EN1: variants seen among roughly 807,000 people sequenced by gnomAD.
EN1 encodes homeobox protein engrailed-1.
In EN1, 8 loss-of-function variants were observed where a neutral mutation model predicts 22.9. The ratio of observed to expected loss-of-function variants is 0.35; its 90% CI spans 0.20 to 0.63. EN1 has a LOEUF of 0.63. EN1 is among the 20% of genes least tolerant of loss of function. The probability of loss-of-function intolerance (pLI) is 0.73; values close to 1 mark genes in which losing one functional copy is unlikely to be tolerated. For missense variants in EN1, 521 were observed against 572.1 expected, an observed-to-expected ratio of 0.91 and a Z score of 0.91; for synonymous variants, 287 against 262.5, an observed-to-expected ratio of 1.09 and a Z score of -0.90.
chr2:118,845,681 A>C (rs1221481721), intron 1 of EN1, among the ~76,000 whole-genome samples: 5 of 152,170 alleles, frequency 3.3e-5, no homozygotes, highest in Non-Finnish European at 5.9e-5. Flanking sequence ...CCTTTTTGGC[A>C]ACTGCCTTTC....
In EN1 at chr2:118,842,887, G is replaced by T. The variant is rs759941651; in HGVS notation, c.*51C>A. The T allele has an allele frequency of 7.1e-6, 11 of 1,558,620 alleles. No individual in the cohort carries two copies. The Admixed American group carries it at 1.5e-4, about 21-fold the overall frequency. ...CTCCCCCAGCGAGGGGCCGGGAGAC[G>T]ACGGCGGCGGTGCCGGGAGGGGGCG... On this transcript the variant is annotated 3_prime_UTR_variant, in exon 2 of 2. Transcript: ENST00000295206.
intron 1 of EN1, among the ~76,000 whole-genome samples, 167 bp from the exon 2 acceptor site, chr2:118,843,421 G>T (rs1558800462): frequency 6.6e-6 from 1 of 152,088 alleles, no homozygotes; most frequent in Non-Finnish European, 1.5e-5. Flanking sequence ...GCTCCCTCCC[G>T]CCAGCCAATC....
intron 1 of EN1, among the ~76,000 whole-genome samples, chr2:118,845,522 G>C (rs891609474): frequency 6.6e-6 from 1 of 152,232 alleles, no homozygotes; most frequent in Non-Finnish European, 1.5e-5. Context: ...AGCGCCGCGC[G>C]GGGAGGATGC....
chr2:118,847,144 A>T lies in EN1; in HGVS notation c.24T>A (p.Pro8=). 1 of 1,212,412 alleles carries T rather than the reference A, an allele frequency of 8.2e-7. No homozygotes were observed. Among genetic ancestry groups the T allele is most frequent in the South Asian group, 1.5e-5 (1 of 66,764 alleles). 75.1% of individuals were successfully genotyped at this position (1,212,412 alleles called of 1,614,324 possible). Residue 8 remains proline (P), a synonymous_variant, in exon 1 of 2, where the codon CCT becomes CCA. Coordinates refer to ENST00000295206, the MANE Select transcript of EN1 (RefSeq NM_001426.4). MEEQQPE[P]KSQRDSALGA... is the part of the protein sequence containing the mutation. ...CGAGGGCCGAGTCGCGCTGACTTTT[A>T]GGTTCCGGCTGCTGTTCTTCCATGC... is the stretch of plus-strand genomic sequence containing the variant.
chr2:118,844,386 T>C (rs1453635392), intron 1 of EN1: 1 of 151,816 alleles, frequency 6.6e-6, no homozygotes, highest in Non-Finnish European at 1.5e-5. Context: ...GAAGGTGAAG[T>C]TCCCCTCAAA....
In EN1 at chr2:118,847,114, C is replaced by G; in HGVS notation, c.54G>C (p.Ala18=). ...PKSQRDSALG[A]AAAATPGGLS... ...GGCCGCCCGGAGTCGCCGCCGCCGC[C>G]GCGCCGAGGGCCGAGTCGCGCTGAC... The change falls in exon 1 of 2, where the codon GCG becomes GCC. Residue 18 remains alanine (A), a synonymous_variant. Coordinates refer to ENST00000295206, the MANE Select transcript of EN1 (RefSeq NM_001426.4). 1.5e-6 allele frequency: 2 copies of G among 1,362,960 alleles called. No individual in the cohort carries two copies. Among genetic ancestry groups the G allele is most frequent in the Non-Finnish European group, 1.9e-6 (2 of 1,034,402 alleles). The allele number at this position is 1,362,960 out of a possible 1,614,324, so 84.4% of individuals were successfully genotyped here.
Position 118,842,846 on chromosome 2 carries a change from T to C in EN1, c.*92A>G. On this transcript the variant is annotated 3_prime_UTR_variant, in exon 2 of 2. Transcript: ENST00000295206. ...TCTTTTCCCTGCGCTCCCTCCCTCC[T>C]TGGAGCAGATGCTTTCTCCCCCAGC... is the stretch of plus-strand genomic sequence containing the variant. 6.7e-7 allele frequency: 1 copy of C among 1,483,604 alleles called. No homozygotes were observed. The highest frequency in any genetic ancestry group is 8.9e-7 in the Non-Finnish European group (1 of 1,117,694). The allele number at this position is 1,483,604 out of a possible 1,614,324, so 91.9% of individuals were successfully genotyped here. A position where few individuals can be genotyped will look rare whatever the true frequency, so the allele number is the denominator to read the frequency against.
Position 118,847,563 on chromosome 2 carries a change from G to A in EN1, c.-396C>T. ...GCTCCAATAATTTTTTTCTTAAAGG[G>A]AAAAAAATAGTATTTAAAGTCTAGC... On this transcript the variant is annotated 5_prime_UTR_variant, in exon 1 of 2. Transcript: ENST00000295206. 3 of 157,796 alleles carry A rather than the reference G, an allele frequency of 1.9e-5. No individual in the cohort carries two copies. Among genetic ancestry groups the A allele is most frequent in the African/African-American group, 7.2e-5 (3 of 41,808 alleles). 9.8% of individuals were successfully genotyped at this position (157,796 alleles called of 1,614,324 possible).
chr2:118,845,379 C>G (rs985442131), intron 1 of EN1, among the ~76,000 whole-genome samples: 2 of 152,214 alleles, frequency 1.3e-5, no homozygotes, highest in Non-Finnish European at 2.9e-5. Flanking sequence ...CCTTCTCTCC[C>G]GGAGCCCAGC....
Position 118,843,029 on chromosome 2 carries a change from C to A in EN1, c.1088G>T (p.Gly363Val). ...NKRAKIKKAT[G>V]IKNGLALHLM... ...GTGCAGCGCCAGGCCGTTCTTGATG[C>A]CTGTGGCTTTCTTGATCTTGGCGCG... is the stretch of plus-strand genomic sequence containing the variant. Residue 363 changes from glycine (G) to valine (V), a missense_variant, in exon 2 of 2, where the codon GGC (glycine) becomes GTC (valine). This residue lies in a region of EN1 where 35 missense variants were observed against 40.2 expected (regional missense o/e 0.87). Transcript: ENST00000295206. 1 of 1,614,144 alleles carries A rather than the reference C, an allele frequency of 6.2e-7. No individual in the cohort carries two copies. Among genetic ancestry groups the A allele is most frequent in the Non-Finnish European group, 8.5e-7 (1 of 1,180,030 alleles).
At chr2:118,845,292 T>C (rs1438837) in intron 1 of EN1, among the ~76,000 whole-genome samples, 147,109 of 152,298 alleles carry the variant, frequency 0.97, 71,113 homozygotes, top group African/African-American at 0.99. Context: ...GGACCGGGTG[T>C]CTGGAGTGCT....
rs1678299865 is a variant in EN1 at position 118,847,500 on chromosome 2, A to G, written c.-333T>C. On this transcript the variant is annotated 5_prime_UTR_variant, in exon 1 of 2. Transcript: ENST00000295206. ...GCCACGGCCAAAAAAATGAAGGAAAAAAAGAAAAAGAAAAGGAAAAAGAAA... is the reference window on the plus strand; with the variant it reads ...GCCACGGCCAAAAAAATGAAGGAAAGAAAGAAAAAGAAAAGGAAAAAGAAA... The G allele has an allele frequency of 9.3e-6, 2 of 214,548 alleles. No homozygotes were observed. The highest frequency in any genetic ancestry group is 1.8e-5 in the Non-Finnish European group (2 of 109,826). The allele number at this position is 214,548 out of a possible 1,614,324, so 13.3% of individuals were successfully genotyped here. A position where few individuals can be genotyped will look rare whatever the true frequency, so the allele number is the denominator to read the frequency against.
Position 118,846,294 on chromosome 2 carries a change from T to G in EN1, c.862+12A>C, listed in dbSNP as rs377290281. 48 of 1,606,552 alleles carry G rather than the reference T, an allele frequency of 3.0e-5. No homozygotes were observed. The Admixed American group carries it at 4.9e-4, about 16-fold the overall frequency. On this transcript the variant is annotated intron_variant, in intron 1 of 1. Transcript: ENST00000295206. The surrounding 1 kb of genome is among the most constrained non-coding windows in gnomAD (Gnocchi z 5.0). The stretch of plus-strand genomic sequence containing the variant: ...CCAGAAGGCATGGCGCAGCCCGGAG[T>G]TGGGTACTCACCGGAGGATGGACGA...
In EN1 at chr2:118,847,180, C is replaced by T; in HGVS notation, c.-13G>A. 2 of 847,866 alleles carry T rather than the reference C, an allele frequency of 2.4e-6. No homozygotes were observed. Among genetic ancestry groups the T allele is most frequent in the Non-Finnish European group, 3.3e-6 (2 of 605,052 alleles). The allele number at this position is 847,866 out of a possible 1,614,324, so 52.5% of individuals were successfully genotyped here. ...GCTGTTCTTCCATGCTCGGCCGCCCCGCCGCCCCGGCCGCCGCGCCGGCCC... is the reference window on the plus strand; with the variant it reads ...GCTGTTCTTCCATGCTCGGCCGCCCTGCCGCCCCGGCCGCCGCGCCGGCCC... On this transcript the variant is annotated 5_prime_UTR_variant, in exon 1 of 2. Transcript: ENST00000295206.
chr2:118,842,746 G>A lies in EN1; in HGVS notation c.*192C>T. ...TTATTTTTCGATAGCACCTGTCCGAGTCTTTCTCCCTTTTCAAAAATGCTG... is the reference window on the plus strand; with the variant it reads ...TTATTTTTCGATAGCACCTGTCCGAATCTTTCTCCCTTTTCAAAAATGCTG... On this transcript the variant is annotated 3_prime_UTR_variant, in exon 2 of 2. Transcript: ENST00000295206. The A allele has an allele frequency of 9.9e-7, 1 of 1,012,410 alleles. No homozygotes were observed. Among genetic ancestry groups the A allele is most frequent in the East Asian group, 2.7e-5 (1 of 37,284 alleles). The allele number at this position is 1,012,410 out of a possible 1,614,324, so 62.7% of individuals were successfully genotyped here. A position where few individuals can be genotyped will look rare whatever the true frequency, so the allele number is the denominator to read the frequency against.
In EN1 at chr2:118,843,274, CGGGGTGGGGTG is replaced by C; in HGVS notation, c.863-31_863-21del. The C allele has an allele frequency of 1.6e-5, 1 of 61,656 alleles. No homozygotes were observed. Among genetic ancestry groups the C allele is most frequent in the Non-Finnish European group, 2.9e-5 (1 of 34,352 alleles). 3.8% of individuals were successfully genotyped at this position (61,656 alleles called of 1,614,324 possible). A position where few individuals can be genotyped will look rare whatever the true frequency, so the allele number is the denominator to read the frequency against. ...GCGGACCTGCAGCGGCGGAGAGGGC[CGGGGTGGGGTG>C]GGGGTGGGGACCGAGGGCAGAAGGG... On this transcript the variant is annotated intron_variant, in intron 1 of 1. Coordinates refer to ENST00000295206, the MANE Select transcript of EN1 (RefSeq NM_001426.4).
In EN1 at chr2:118,846,186, G is replaced by T; in HGVS notation, c.862+120C>A. 2.1e-6 allele frequency: 3 copies of T among 1,429,224 alleles called. No homozygotes were observed. Among genetic ancestry groups the T allele is most frequent in the Non-Finnish European group, 2.8e-6 (3 of 1,064,990 alleles). 88.5% of individuals were successfully genotyped at this position (1,429,224 alleles called of 1,614,324 possible). On this transcript the variant is annotated intron_variant, in intron 1 of 1. Transcript: ENST00000295206. The surrounding 1 kb of genome is among the most constrained non-coding windows in gnomAD (Gnocchi z 5.0). ...TTGTGACTGGAACTGGGGTGAGGAA[G>T]CAGGCGTGAGAGACTGGAGTACCCG...
Position 118,846,565 on chromosome 2 carries a change from C to A in EN1, c.603G>T (p.Ala201=), listed in dbSNP as rs931210130. 2.6e-5 allele frequency: 32 copies of A among 1,209,498 alleles called. 1 individual carries two copies. In the Middle Eastern group the frequency reaches 1.9e-3, roughly 74 times the overall value. The allele number at this position is 1,209,498 out of a possible 1,614,324, so 74.9% of individuals were successfully genotyped here. The stretch of plus-strand genomic sequence containing the variant: ...CCACTGCCGCCGCGGCCGCCGCCGC[C>A]GCCGCAGCCGGGTTCCCAGCTTTAG... ...GASKAGNPAA[A]AAAAAAAVAA... The change falls in exon 1 of 2, where the codon GCG becomes GCT. Residue 201 remains alanine (A), a synonymous_variant. Transcript: ENST00000295206. The surrounding 1 kb of genome is among the most constrained non-coding windows in gnomAD (Gnocchi z 5.0).
In EN1 at chr2:118,846,208, C is replaced by G; in HGVS notation, c.862+98G>C. On this transcript the variant is annotated intron_variant, in intron 1 of 1. Transcript: ENST00000295206. The surrounding 1 kb of genome is among the most constrained non-coding windows in gnomAD (Gnocchi z 5.0). ...GAAGCAGGCGTGAGAGACTGGAGTACCCGAGGCCGGGTTTGCTCTCCCTAG... is the reference window on the plus strand; with the variant it reads ...GAAGCAGGCGTGAGAGACTGGAGTAGCCGAGGCCGGGTTTGCTCTCCCTAG... 1.3e-6 allele frequency: 2 copies of G among 1,512,394 alleles called. No homozygotes were observed. Among genetic ancestry groups the G allele is most frequent in the Non-Finnish European group, 1.8e-6 (2 of 1,131,052 alleles). 93.7% of individuals were successfully genotyped at this position (1,512,394 alleles called of 1,614,324 possible).
Sources: allele counts gnomAD v4.1 joint callset (sites outside exome capture counted in the v4.1 genomes callset), GRCh38; gene constraint gnomAD v4.1.1; regional missense constraint gnomAD v4.1.1; non-coding constraint Gnocchi (gnomAD v3.1); transcripts MANE v1.5; gene names NCBI Gene and HGNC (gene_info 2026-07-23, HGNC 2026-07-21).